NKAIN2: variants seen among roughly 807,000 people sequenced by gnomAD.
The protein encoded by NKAIN2 is sodium/potassium-transporting ATPase subunit beta-1-interacting protein 2.
A neutral mutation model predicts 32.6 loss-of-function variants in NKAIN2; 14 were observed. That is an observed-to-expected ratio of 0.43 (90% CI 0.28 to 0.67). The LOEUF (loss-of-function observed/expected upper bound fraction) is 0.67. NKAIN2 is among the 30% of genes least tolerant of loss of function. The pLI is 0.17. For missense variants in NKAIN2, 198 were observed against 258.3 expected, an observed-to-expected ratio of 0.77 and a Z score of 1.60; for synonymous variants, 80 against 87.2, an observed-to-expected ratio of 0.92 and a Z score of 0.46.
At position 124,700,771 on chromosome 6, in the gene NKAIN2, A is replaced by G. The variant is rs1774738579; in HGVS notation, c.474+42385A>G. Reference sequence around the variant, plus strand: ...AAAAAATTGAGTGCCCTAATACAGAAGCTCATTTTCCAACCTCAGATAACA... The same window carrying G: ...AAAAAATTGAGTGCCCTAATACAGAGGCTCATTTTCCAACCTCAGATAACA... On this transcript the variant is annotated intron_variant, in intron 4 of 6. Transcript: ENST00000368417. Among the ~76,000 whole-genome samples the G allele has an allele frequency of 1.3e-5, 2 of 151,824 alleles. 1 individual carries two copies. The highest frequency in any genetic ancestry group is 1.3e-4 in the Admixed American group (2 of 15,184).
chr6:124,225,831 A>T (rs1792077886), intron 1 of NKAIN2, among the ~76,000 whole-genome samples: 1 of 152,042 alleles, frequency 6.6e-6, no homozygotes, highest in African/African-American at 2.4e-5. Flanking sequence ...GGAATATGTC[A>T]TAGGATCCAG....
At chr6:123,840,268 AC>A (rs1217581949) in intron 1 of NKAIN2, among the ~76,000 whole-genome samples, 1 of 152,106 alleles carries the variant, frequency 6.6e-6, no homozygotes, top group Non-Finnish European at 1.5e-5. Flanking sequence ...TGTTCTAAAA[AC>A]ATTCACTTTT....
intron 3 of NKAIN2, among the ~76,000 whole-genome samples, chr6:124,562,339 C>G (rs1349257159): frequency 6.6e-6 from 1 of 152,166 alleles, no homozygotes; most frequent in African/African-American, 2.4e-5. Context: ...TCTCTTAGAT[C>G]AACAGACTTG....
At chr6:123,986,470 G>A (rs1211761149) in intron 1 of NKAIN2, among the ~76,000 whole-genome samples, 1 of 152,110 alleles carries the variant, frequency 6.6e-6, no homozygotes, top group Non-Finnish European at 1.5e-5. Flanking sequence ...GTAAATGACT[G>A]TTGGTGTTTT....
chr6:124,443,653 T>C (rs1002188786), intron 3 of NKAIN2, among the ~76,000 whole-genome samples: 7 of 152,088 alleles, frequency 4.6e-5, no homozygotes, highest in African/African-American at 1.7e-4. Context: ...CAGGGTGAGA[T>C]ACTGATTTTA....
chr6:124,694,441 CGGCTGATTGAGA>C (rs1292381601), intron 4 of NKAIN2, among the ~76,000 whole-genome samples: 1 of 152,150 alleles, frequency 6.6e-6, no homozygotes, highest in Non-Finnish European at 1.5e-5. Flanking sequence ...AAATTAGCAC[CGGCTGATTGAGA>C]GACTTTTGCC....
chr6:124,139,957 A>C (rs1467756859), intron 1 of NKAIN2, among the ~76,000 whole-genome samples: 1 of 152,208 alleles, frequency 6.6e-6, no homozygotes, highest in African/African-American at 2.4e-5. Flanking sequence ...TTATGCACAG[A>C]TGTTATTAAT....
At chr6:124,570,733 G>A (rs543257665) in intron 3 of NKAIN2, among the ~76,000 whole-genome samples, 34 of 152,360 alleles carry the variant, frequency 2.2e-4, no homozygotes, top group Non-Finnish European at 4.0e-4. Context: ...GGGCAGTATG[G>A]AAGGGAAATG....
chr6:124,727,340 C>A (rs1776380796), intron 4 of NKAIN2, among the ~76,000 whole-genome samples: 1 of 152,132 alleles, frequency 6.6e-6, no homozygotes, highest in African/African-American at 2.4e-5. Context: ...GGAAGCCCAT[C>A]AGACTAACAG....
intron 1 of NKAIN2, among the ~76,000 whole-genome samples, chr6:123,961,556 A>G (rs999113450): frequency 2.0e-5 from 3 of 152,164 alleles, no homozygotes; most frequent in Non-Finnish European, 2.9e-5. Context: ...TGCTTGAGTT[A>G]TATTTACTTG....
At chr6:124,792,072 G>A (rs1188918664) in intron 5 of NKAIN2, among the ~76,000 whole-genome samples, 1 of 152,042 alleles carries the variant, frequency 6.6e-6, no homozygotes, top group Non-Finnish European at 1.5e-5. Context: ...TTCCATCCCT[G>A]CCCCTAAGGA....
chr6:124,208,615 G>C (rs747071888), intron 1 of NKAIN2, among the ~76,000 whole-genome samples: 14 of 151,056 alleles, frequency 9.3e-5, no homozygotes, highest in Non-Finnish European at 1.9e-4. Flanking sequence ...GCTATGTTAT[G>C]CTGTATGTTT....
intron 1 of NKAIN2, among the ~76,000 whole-genome samples, chr6:124,208,236 T>C (rs1194551815): frequency 1.3e-5 from 2 of 151,960 alleles, no homozygotes; most frequent in Non-Finnish European, 2.9e-5. Flanking sequence ...TGAATAATGA[T>C]AATAATACTT....
intron 3 of NKAIN2, among the ~76,000 whole-genome samples, chr6:124,555,966 T>G (rs538275169): frequency 1.3e-5 from 2 of 152,304 alleles, no homozygotes; most frequent in Admixed American, 1.3e-4. Flanking sequence ...CACACTTAGT[T>G]TAACCTTTAC....
At chr6:124,006,893 C>T (rs1780100494) in intron 1 of NKAIN2, among the ~76,000 whole-genome samples, 1 of 152,182 alleles carries the variant, frequency 6.6e-6, no homozygotes, top group African/African-American at 2.4e-5. Context: ...GGTTTCTCAG[C>T]TGAATGCTGT....
intron 3 of NKAIN2, among the ~76,000 whole-genome samples, chr6:124,490,763 C>T (rs1358458769): frequency 6.6e-6 from 1 of 151,728 alleles, no homozygotes; most frequent in Non-Finnish European, 1.5e-5. Flanking sequence ...AAAGAGAACA[C>T]AGTGTAATAC....
At chr6:123,872,580 C>T (rs900367706) in intron 1 of NKAIN2, among the ~76,000 whole-genome samples, 3 of 152,138 alleles carry the variant, frequency 2.0e-5, no homozygotes, top group Non-Finnish European at 2.9e-5. Context: ...TATGAGCAGA[C>T]CACTGAATGA....
intron 4 of NKAIN2, among the ~76,000 whole-genome samples, chr6:124,662,247 G>A (rs116733041): frequency 0.018 from 2,730 of 152,226 alleles, 95 homozygotes; most frequent in African/African-American, 0.062. Flanking sequence ...TACTTCCTGT[G>A]ATAAAAACAA....
At chr6:124,634,123 T>G (rs949068074) in intron 3 of NKAIN2, among the ~76,000 whole-genome samples, 4 of 150,606 alleles carry the variant, frequency 2.7e-5, no homozygotes, top group Admixed American at 2.6e-4. Context: ...CTAGAAAAGG[T>G]TCTCCATACA....
Sources: allele counts gnomAD v4.1 joint callset (sites outside exome capture counted in the v4.1 genomes callset), GRCh38; gene constraint gnomAD v4.1.1; transcripts MANE v1.5; gene names NCBI Gene and HGNC (gene_info 2026-07-23, HGNC 2026-07-21).